LAMA2: variants seen among roughly 807,000 people sequenced by gnomAD.
The protein encoded by LAMA2 is laminin subunit alpha-2.
Under a neutral mutation model 364.8 loss-of-function variants are expected in LAMA2, and 269 were observed. The ratio of observed to expected loss-of-function variants is 0.74; its 90% CI spans 0.67 to 0.82. The LOEUF (loss-of-function observed/expected upper bound fraction) is 0.82. Among genes scored for constraint, LAMA2 ranks in the 40% least tolerant of loss-of-function variants. LAMA2 has a pLI of 0.00. For missense variants in LAMA2, 3,807 were observed against 3,873.2 expected (o/e 0.98, Z 0.45); for synonymous variants, 1,379 against 1,370.6 (o/e 1.01, Z -0.14).
intron 1 of LAMA2, chr6:128,929,458 A>G (rs537375144): frequency 1.2e-6 from 1 of 838,000 alleles, no homozygotes; most frequent in Admixed American, 1.7e-5. Flanking sequence ...GAGTCTCAGG[A>G]AAGATACCTC....
intron 34 of LAMA2, among the ~76,000 whole-genome samples, chr6:129,370,888 T>C (rs1236881622): frequency 6.6e-6 from 1 of 152,190 alleles, no homozygotes; most frequent in African/African-American, 2.4e-5. Flanking sequence ...TAGGAAAATA[T>C]CCACAGGAAA....
intron 51 of LAMA2, among the ~76,000 whole-genome samples, chr6:129,468,439 A>G (rs1783650118): frequency 6.6e-6 from 1 of 151,842 alleles, no homozygotes; most frequent in South Asian, 2.1e-4. Flanking sequence ...ATTTTCTCTA[A>G]TACTTTTAAA....
At chr6:129,293,509 T>C (rs1789864905) in intron 20 of LAMA2, among the ~76,000 whole-genome samples, 1 of 152,240 alleles carries the variant, frequency 6.6e-6, no homozygotes, top group Non-Finnish European at 1.5e-5. Context: ...TTTTGTTAAT[T>C]TCCACATCAA....
chr6:128,904,750 C>A lies in LAMA2; in HGVS notation c.112+21393C>A, dbSNP rs116937110. On this transcript the variant is annotated intron_variant, in intron 1 of 64. Transcript: ENST00000421865. Reference sequence around the variant, plus strand: ...GGGATTACAGGTGTGAACCACAGTGCCCAGCCTTCCTGCTGAGTTTCTTAG... The same window carrying A: ...GGGATTACAGGTGTGAACCACAGTGACCAGCCTTCCTGCTGAGTTTCTTAG... Among the ~76,000 whole-genome samples the A allele has an allele frequency of 3.3e-3, 508 of 152,204 alleles. 2 individuals carry two copies. Among genetic ancestry groups the A allele is most frequent in the Non-Finnish European group, 5.6e-3 (382 of 68,008 alleles).
At chr6:129,212,619 TA>T (rs1201750912) in intron 12 of LAMA2, among the ~76,000 whole-genome samples, 5 of 152,052 alleles carry the variant, frequency 3.3e-5, no homozygotes, top group African/African-American at 7.2e-5. Flanking sequence ...ATGAGAGTCA[TA>T]AAAAAAGAAT....
chr6:129,149,153 C>A, intron 7 of LAMA2, 57 bp downstream of exon 7: 2 of 1,118,326 alleles, frequency 1.8e-6, no homozygotes, highest in South Asian at 1.2e-5. Flanking sequence ...GAAAAAAAGC[C>A]AGTAATGAAA....
intron 27 of LAMA2, among the ~76,000 whole-genome samples, chr6:129,319,714 C>G (rs1435908169): frequency 1.3e-5 from 2 of 152,180 alleles, no homozygotes; most frequent in Non-Finnish European, 2.9e-5. Flanking sequence ...CAAAACTTAA[C>G]TACTAATAGC....
chr6:129,367,834 T>G (rs1299233100), intron 33 of LAMA2, among the ~76,000 whole-genome samples: 2 of 152,204 alleles, frequency 1.3e-5, no homozygotes, highest in African/African-American at 4.8e-5. Context: ...GAAGTTGTCA[T>G]GGTCTGAATA....
At chr6:128,980,017 A>T (rs1303359608) in intron 1 of LAMA2, among the ~76,000 whole-genome samples, 1 of 152,210 alleles carries the variant, frequency 6.6e-6, no homozygotes, top group Non-Finnish European at 1.5e-5. Flanking sequence ...CCAAAATCTT[A>T]GTGGTTGCAA....
chr6:129,313,953 T>C (rs984514497), intron 23 of LAMA2, among the ~76,000 whole-genome samples: 2 of 152,240 alleles, frequency 1.3e-5, no homozygotes, highest in African/African-American at 4.8e-5. Context: ...ACAATAATTA[T>C]ATAAATTGAT....
At chr6:129,452,169 T>A (rs1156676923) in intron 45 of LAMA2, among the ~76,000 whole-genome samples, 1 of 152,216 alleles carries the variant, frequency 6.6e-6, no homozygotes, top group Non-Finnish European at 1.5e-5. Flanking sequence ...ATGGTGATTT[T>A]CCATCTGACC....
chr6:129,281,560 C>T lies in LAMA2; in HGVS notation c.2537+1413C>T, dbSNP rs1788718943. ...CAACTACCATGTGCTGGGTACAAGG[C>T]TAGACATTGGATATAAATAGATGCA... On this transcript the variant is annotated intron_variant, in intron 18 of 64. Transcript: ENST00000421865. Among the ~76,000 whole-genome samples the T allele has an allele frequency of 2.0e-5, 3 of 152,278 alleles. No homozygotes were observed. The South Asian group carries it at 6.2e-4, about 32-fold the overall frequency.
intron 47 of LAMA2, among the ~76,000 whole-genome samples, chr6:129,455,657 G>C (rs1276154092): frequency 6.6e-6 from 1 of 151,986 alleles, no homozygotes; most frequent in Non-Finnish European, 1.5e-5. Flanking sequence ...ACTTAAAAAA[G>C]AAAATGAAAT....
intron 1 of LAMA2, among the ~76,000 whole-genome samples, chr6:128,924,405 T>G (rs1778955174): frequency 6.6e-6 from 1 of 152,066 alleles, no homozygotes; most frequent in Non-Finnish European, 1.5e-5. Context: ...CAACTGCTCA[T>G]AAAGGAGAAA....
chr6:129,456,548 A>G (rs1562581411), intron 48 of LAMA2, 54 bp downstream of exon 48: 9 of 1,451,080 alleles, frequency 6.2e-6, no homozygotes, highest in Non-Finnish European at 7.8e-6. Context: ...ATCTCCTGAC[A>G]TAATTACTTC....
At chr6:128,902,287 G>C (rs1727434931) in intron 1 of LAMA2, among the ~76,000 whole-genome samples, 1 of 152,190 alleles carries the variant, frequency 6.6e-6, no homozygotes, top group Admixed American at 6.5e-5. Context: ...AATGGACACA[G>C]AATGCCACTT....
Position 129,250,303 on chromosome 6 carries a change from C to T in LAMA2, c.1884+90C>T, listed in dbSNP as rs187258962. 3.4e-5 allele frequency: 28 copies of T among 825,450 alleles called. No homozygotes were observed. The East Asian group carries it at 7.0e-4, about 21-fold the overall frequency. 51.1% of individuals were successfully genotyped at this position (825,450 alleles called of 1,614,324 possible). The stretch of plus-strand genomic sequence containing the variant: ...TATTTTTTACCTGCCTGGTTTGACA[C>T]TGACTTACAGGACTACTAAAAAAAA... On this transcript the variant is annotated intron_variant, in intron 13 of 64. Coordinates refer to ENST00000421865, the MANE Select transcript of LAMA2 (RefSeq NM_000426.4).
chr6:129,096,956 C>G (rs140526161), intron 3 of LAMA2, among the ~76,000 whole-genome samples: 147 of 152,244 alleles, frequency 9.7e-4, no homozygotes, highest in Non-Finnish European at 1.7e-3. Flanking sequence ...ATCCTATACA[C>G]GTATGCATGA....
intron 1 of LAMA2, among the ~76,000 whole-genome samples, chr6:128,936,419 A>C (rs181183754): frequency 1.3e-5 from 2 of 152,104 alleles, no homozygotes; most frequent in Non-Finnish European, 2.9e-5. Context: ...CTTTTTCTAC[A>C]TCTGAGATGA....
Sources: allele counts gnomAD v4.1 joint callset (sites outside exome capture counted in the v4.1 genomes callset), GRCh38; gene constraint gnomAD v4.1.1; transcripts MANE v1.5; gene names NCBI Gene and HGNC (gene_info 2026-07-23, HGNC 2026-07-21).